Variants in DDX60 observed in about 807,000 individuals in gnomAD.
DDX60 encodes DExD/H-box helicase 60.
In DDX60, 165 loss-of-function variants were observed where a neutral mutation model predicts 212.8. The ratio of observed to expected loss-of-function variants is 0.78; its 90% CI spans 0.68 to 0.88. DDX60 has a LOEUF of 0.88. Ranked by LOEUF, DDX60 falls within the 40% of genes least tolerant of loss-of-function variation. The pLI is 0.00. For missense variants in DDX60, 1,905 were observed against 2,003.9 expected, an observed-to-expected ratio of 0.95 and a Z score of 0.94; for synonymous variants, 703 against 685.3, an observed-to-expected ratio of 1.03 and a Z score of -0.40.
At chr4:168,251,887 A>G (rs1002875647) in intron 27 of DDX60, among the ~76,000 whole-genome samples, 5 of 152,236 alleles carry the variant, frequency 3.3e-5, no homozygotes, top group African/African-American at 1.2e-4. Context: ...GGCAGTGAGT[A>G]CTATGAGTGA....
At chr4:168,303,789 C>T (rs1736754496) in intron 5 of DDX60, among the ~76,000 whole-genome samples, 1 of 152,176 alleles carries the variant, frequency 6.6e-6, no homozygotes, top group Non-Finnish European at 1.5e-5. Context: ...CGAGACCAGA[C>T]TGGCCAACAT....
intron 30 of DDX60, among the ~76,000 whole-genome samples, chr4:168,244,181 G>A (rs375669064): frequency 6.6e-6 from 1 of 152,238 alleles, no homozygotes; most frequent in East Asian, 1.9e-4. Context: ...GTTGATAGGT[G>A]CAGCAAACCA....
intron 30 of DDX60, 114 bp downstream of exon 30, chr4:168,246,304 A>C: frequency 8.2e-7 from 1 of 1,225,144 alleles, no homozygotes. Flanking sequence ...ACAAAACATT[A>C]AAAGACTGAT....
At chr4:168,220,556 C>T in intron 37 of DDX60, 99 bp downstream of exon 37, 1 of 666,704 alleles carries the variant, frequency 1.5e-6, no homozygotes, top group Non-Finnish European at 2.5e-6. Flanking sequence ...AGCTTAATGG[C>T]ACCTTCATGT....
intron 25 of DDX60, among the ~76,000 whole-genome samples, chr4:168,258,082 C>T (rs544135324): frequency 9.2e-5 from 14 of 152,268 alleles, no homozygotes; most frequent in East Asian, 7.7e-4. Context: ...ATGAACAACC[C>T]GCCTTCATGC....
intron 6 of DDX60, among the ~76,000 whole-genome samples, chr4:168,298,883 C>A (rs1157490154): frequency 6.6e-6 from 1 of 151,906 alleles, no homozygotes; most frequent in African/African-American, 2.4e-5. Context: ...ATGAACGTAG[C>A]CGGGCACGGT....
intron 8 of DDX60, among the ~76,000 whole-genome samples, chr4:168,288,639 G>T (rs569062874): frequency 1.3e-5 from 2 of 152,316 alleles, no homozygotes; most frequent in South Asian, 4.1e-4. Flanking sequence ...CTTCTGCTTT[G>T]AAATGTGCCT....
At position 168,252,429 on chromosome 4, in the gene DDX60, T is replaced by C. The variant is rs541388994; in HGVS notation, c.3705+80A>G. On this transcript the variant is annotated intron_variant, in intron 27 of 37. Coordinates refer to ENST00000393743, the MANE Select transcript of DDX60 (RefSeq NM_017631.6). ...TATGTATTATATTATGCATATATCT[T>C]ATTAAGCATTATCTACAACTAACAA... 3 of 1,506,262 alleles carry C rather than the reference T, an allele frequency of 2.0e-6. No homozygotes were observed. In the South Asian group the frequency reaches 3.5e-5, roughly 18 times the overall value. 93.3% of individuals were successfully genotyped at this position (1,506,262 alleles called of 1,614,324 possible). A position where few individuals can be genotyped will look rare whatever the true frequency, so the allele number is the denominator to read the frequency against.
At chr4:168,304,742 A>G (rs1389973230) in intron 5 of DDX60, among the ~76,000 whole-genome samples, 3 of 152,190 alleles carry the variant, frequency 2.0e-5, no homozygotes. Flanking sequence ...ACAGTTGTAT[A>G]ATGTGTTTGT....
rs1322343275 is a variant in DDX60 at position 168,285,481 on chromosome 4, C to T, written c.1357G>A (p.Val453Met). The stretch of plus-strand genomic sequence containing the variant: ...GTTGGAATAAAACCCAAATTGGGCA[C>T]CATTTCATTGGAGCTGTCTGTAAAC... The part of the protein sequence containing the change: ...SPIKDSSNEM[V>M]PNLGFIPTSS... The change falls in exon 11 of 38, where the codon GTG (valine) becomes ATG (methionine). Residue 453 changes from valine (V) to methionine (M), a missense_variant. Val to Met is a conservative substitution (Grantham distance 21). Coordinates refer to ENST00000393743, the MANE Select transcript of DDX60 (RefSeq NM_017631.6). 41 of 1,608,374 alleles carry T rather than the reference C, an allele frequency of 2.5e-5. No homozygotes were observed. Among genetic ancestry groups the T allele is most frequent in the Non-Finnish European group, 3.4e-5 (40 of 1,178,046 alleles).
chr4:168,273,132 T>C (rs192508179), intron 18 of DDX60, 147 bp downstream of exon 18: 1 of 820,024 alleles, frequency 1.2e-6, no homozygotes, highest in African/African-American at 1.8e-5. Context: ...GTAACAATAT[T>C]ACATTTTTTC....
intron 33 of DDX60, among the ~76,000 whole-genome samples, chr4:168,227,792 T>C (rs1228047545): frequency 1.3e-5 from 2 of 152,128 alleles, no homozygotes; most frequent in African/African-American, 2.4e-5. Flanking sequence ...TATTTTTAAA[T>C]GTCCATTTTA....
Position 168,255,693 on chromosome 4 carries a change from G to GT in DDX60, c.3557+17dup, listed in dbSNP as rs779683956. 561 of 1,563,016 alleles carry GT rather than the reference G, an allele frequency of 3.6e-4. 1 individual carries two copies. Among genetic ancestry groups the GT allele is most frequent in the Non-Finnish European group, 3.8e-4 (442 of 1,161,790 alleles). ...ATTTTAACCCTCTACTTATCAATTT[G>GT]TTTAGTTAACTACTTACATGATCTT... On this transcript the variant is annotated intron_variant, in intron 26 of 37. Transcript: ENST00000393743.
intron 5 of DDX60, among the ~76,000 whole-genome samples, 153 bp from the exon 6 acceptor site, chr4:168,302,569 T>C (rs1736692237): frequency 6.6e-6 from 1 of 152,220 alleles, no homozygotes; most frequent in Non-Finnish European, 1.5e-5. Flanking sequence ...TTAAACCCCA[T>C]TGAACATCAC....
chr4:168,300,682 G>A (rs1027450560), intron 6 of DDX60, among the ~76,000 whole-genome samples: 3 of 151,988 alleles, frequency 2.0e-5, no homozygotes, highest in African/African-American at 4.8e-5. Flanking sequence ...GGAAATAGGT[G>A]GGAGGGACCA....
chr4:168,259,502 G>A (rs1734540356), intron 25 of DDX60, among the ~76,000 whole-genome samples: 1 of 151,978 alleles, frequency 6.6e-6, no homozygotes, highest in South Asian at 2.1e-4. Context: ...CGTTATTTCA[G>A]AAATATATCA....
At chr4:168,289,206 C>G (rs1344385155) in intron 8 of DDX60, among the ~76,000 whole-genome samples, 1 of 152,102 alleles carries the variant, frequency 6.6e-6, no homozygotes, top group Non-Finnish European at 1.5e-5. Context: ...CAACCTAGAC[C>G]TTAGTCTCTT....
At chr4:168,248,032 C>T (rs1734081471) in intron 29 of DDX60, among the ~76,000 whole-genome samples, 156 bp downstream of exon 29, 1 of 152,216 alleles carries the variant, frequency 6.6e-6, no homozygotes. Flanking sequence ...GTGCTTTCAA[C>T]TATACCACAA....
At chr4:168,275,296 C>G in intron 16 of DDX60, 49 bp downstream of exon 16, 2 of 1,486,168 alleles carry the variant, frequency 1.3e-6, no homozygotes, top group Non-Finnish European at 1.8e-6. Context: ...CCTCTGAGAT[C>G]ACATATAATA....
Sources: gnomAD v4.1 joint callset for allele counts (sites outside exome capture counted in the v4.1 genomes callset) on GRCh38, gnomAD v4.1.1 for gene constraint, MANE v1.5 for transcripts, NCBI Gene and HGNC (gene_info 2026-07-23, HGNC 2026-07-21) for gene names.